Variants in PHACTR2 observed in about 807,000 individuals in gnomAD.
PHACTR2 encodes the protein chromosome 6 open reading frame 56.
A neutral mutation model predicts 76.0 loss-of-function variants in PHACTR2; 30 were observed. The observed-to-expected ratio is 0.39, with a 90% CI of 0.30 to 0.54. PHACTR2 has a LOEUF of 0.54. PHACTR2 is among the 20% of genes least tolerant of loss of function. The pLI is 0.61. For missense variants in PHACTR2, 696 were observed against 781.1 expected (o/e 0.89, Z 1.30); for synonymous variants, 292 against 292.5 (o/e 1.00, Z 0.02).
upstream of PHACTR2, among the ~76,000 whole-genome samples, chr6:143,607,163 T>A (rs1775887455): frequency 7.0e-6 from 1 of 143,016 alleles, no homozygotes; most frequent in African/African-American, 2.8e-5. Flanking sequence ...TATAACACTA[T>A]GAACTGTTTT....
In PHACTR2 at chr6:143,771,221, T is replaced by TAC. The variant is rs1562300965; in HGVS notation, c.1233-1036_1233-1035insCA. Reference sequence around the variant, plus strand: ...ATATATATATATATATATATATATATATATATATATATATGCTTTTTTTTA... The same window carrying TAC: ...ATATATATATATATATATATATATATACATATATATATATATGCTTTTTTTTA... On this transcript the variant is annotated intron_variant, in intron 6 of 12. Coordinates refer to ENST00000440869, the MANE Select transcript of PHACTR2 (RefSeq NM_001100164.2). Among the ~76,000 whole-genome samples, 50 of 109,100 alleles carry TAC rather than the reference T, an allele frequency of 4.6e-4. 1 individual carries two copies. Among genetic ancestry groups the TAC allele is most frequent in the African/African-American group, 1.8e-3 (47 of 26,752 alleles). 71.6% of individuals were successfully genotyped at this position (109,100 alleles called of 152,430 possible).
At chr6:143,704,871 C>T (rs939920097) in intron 1 of PHACTR2, among the ~76,000 whole-genome samples, 2 of 152,198 alleles carry the variant, frequency 1.3e-5, no homozygotes, top group African/African-American at 4.8e-5. Flanking sequence ...CTCAGTTGCC[C>T]AGGCTGGAGT....
rs1392992616 is a variant in PHACTR2 at position 143,648,637 on chromosome 6, T to C, written c.13+40315T>C. Reference sequence around the variant, plus strand: ...GAAGAGCCCGGGAGGTTTAAAGTGCTCTGAAGCACTGATACTGTAAATGTG... The same window carrying C: ...GAAGAGCCCGGGAGGTTTAAAGTGCCCTGAAGCACTGATACTGTAAATGTG... On this transcript the variant is annotated intron_variant, in intron 1 of 11. Transcript: ENST00000305766. The surrounding 1 kb of genome is among the most constrained non-coding windows in gnomAD (Gnocchi z 6.7). Among the ~76,000 whole-genome samples the C allele has an allele frequency of 2.0e-5, 3 of 152,158 alleles. No homozygotes were observed. The highest frequency in any genetic ancestry group is 3.9e-4 in the East Asian group (2 of 5,188).
rs534196770 is a variant in PHACTR2, at chr6:143,633,979, A to G, written c.13+25657A>G. On this transcript the variant is annotated intron_variant, in intron 1 of 11. Transcript: ENST00000305766. The surrounding 1 kb of genome is among the most constrained non-coding windows in gnomAD (Gnocchi z 4.1). The stretch of plus-strand genomic sequence containing the variant: ...GCAGTATCATAAAATGACTATGATA[A>G]TTATATTTTATCCTACTTTTACAAA... Among the ~76,000 whole-genome samples, 33 of 152,306 alleles carry G rather than the reference A, an allele frequency of 2.2e-4. No individual in the cohort carries two copies. In the South Asian group the frequency reaches 4.6e-3, roughly 21 times the overall value.
chr6:143,628,275 C>G (rs1776295015), intron 1 of PHACTR2, among the ~76,000 whole-genome samples: 1 of 152,204 alleles, frequency 6.6e-6, no homozygotes, highest in African/African-American at 2.4e-5. Context: ...CATTTGTCTG[C>G]ATTAGTTTCC....
intron 1 of PHACTR2, among the ~76,000 whole-genome samples, chr6:143,650,599 T>A (rs908350191): frequency 6.6e-6 from 1 of 152,162 alleles, no homozygotes; most frequent in Non-Finnish European, 1.5e-5. Context: ...CCCTATTTAA[T>A]AAATGGTGCT....
intron 11 of PHACTR2, among the ~76,000 whole-genome samples, chr6:143,798,387 T>C (rs940257501): frequency 6.6e-6 from 1 of 152,206 alleles, no homozygotes; most frequent in Non-Finnish European, 1.5e-5. Flanking sequence ...GAATACCTTT[T>C]ATTGCTTTCT....
intron 4 of PHACTR2, among the ~76,000 whole-genome samples, chr6:143,756,466 C>T (rs993098841): frequency 1.3e-5 from 2 of 151,932 alleles, no homozygotes; most frequent in African/African-American, 2.4e-5. Context: ...GAGGCCGAGG[C>T]GGGCGGATCA....
At chr6:143,786,172 A>C (rs1483365613) in intron 10 of PHACTR2, among the ~76,000 whole-genome samples, 3 of 152,190 alleles carry the variant, frequency 2.0e-5, no homozygotes, top group Non-Finnish European at 2.9e-5. Flanking sequence ...CACCTTTTGA[A>C]TGCTTTGCTG....
rs535272227 is a variant in PHACTR2, at chr6:143,776,810, G to C, written c.1590-518G>C. ...AGCGATCCAGTATGGTGGGAGCATG[G>C]CTCCTTGAAGTCTGCCTGGCAGCCC... On this transcript the variant is annotated intron_variant, in intron 8 of 12. Transcript: ENST00000440869. The surrounding 1 kb of genome is among the most constrained non-coding windows in gnomAD (Gnocchi z 5.3). Among the ~76,000 whole-genome samples the C allele has an allele frequency of 2.2e-4, 33 of 152,346 alleles. No individual in the cohort carries two copies. Among genetic ancestry groups the C allele is most frequent in the Admixed American group, 9.1e-4 (14 of 15,302 alleles).
At chr6:143,725,195 TG>T (rs1778534413) in intron 2 of PHACTR2, among the ~76,000 whole-genome samples, 2 of 139,642 alleles carry the variant, frequency 1.4e-5, no homozygotes, top group Non-Finnish European at 1.5e-5. Flanking sequence ...TCCTTTGTGC[TG>T]TCTTTTTTTT....
chr6:143,628,565 C>T (rs1187059804), intron 1 of PHACTR2, among the ~76,000 whole-genome samples: 2 of 152,186 alleles, frequency 1.3e-5, no homozygotes, highest in African/African-American at 4.8e-5. Flanking sequence ...CTCCCTCTGA[C>T]TCTGGCCCTT....
At chr6:143,593,914 T>G (rs1406303038) in intron 1 of PHACTR2, among the ~76,000 whole-genome samples, 1 of 152,230 alleles carries the variant, frequency 6.6e-6, no homozygotes, top group Non-Finnish European at 1.5e-5. Flanking sequence ...TAATGCATAC[T>G]TTTTCTCTGC....
chr6:143,768,644 G>A (rs1440541891), intron 6 of PHACTR2, among the ~76,000 whole-genome samples: 2 of 152,074 alleles, frequency 1.3e-5, no homozygotes, highest in Admixed American at 6.5e-5. Context: ...ACATACTAAG[G>A]GCTTAATATC....
Position 143,772,539 on chromosome 6 carries a change from T to A in PHACTR2, c.1432+82T>A. ...AGTTTATAAAGAATAAAAGCCTCAT[T>A]AGGAACCAGACATCTGATGTTTTCT... On this transcript the variant is annotated intron_variant, in intron 7 of 12. Transcript: ENST00000440869. The surrounding 1 kb of genome is among the most constrained non-coding windows in gnomAD (Gnocchi z 5.4). 1 of 950,822 alleles carries A rather than the reference T, an allele frequency of 1.1e-6. No individual in the cohort carries two copies. Among genetic ancestry groups the A allele is most frequent in the South Asian group, 1.4e-5 (1 of 69,160 alleles). The allele number at this position is 950,822 out of a possible 1,614,324, so 58.9% of individuals were successfully genotyped here.
At position 143,537,176 on chromosome 6, in the gene PHACTR2, C is replaced by A; in HGVS notation, c.186C>A (p.Gly62=). Residue 62 remains glycine (G), a synonymous_variant, in exon 1 of 12, where the codon GGC becomes GGA. Transcript: ENST00000367584. This position sits in a 1 kb window ranked among gnomAD's most constrained non-coding sequence, Gnocchi z 4.4. ...ACCTCTCGTCGTCCTCGAGCAGGGG[C>A]CGCCCGCTCCGGGTCCACATCTCCG... 1.3e-5 allele frequency: 4 copies of A among 303,936 alleles called. No individual in the cohort carries two copies. The highest frequency in any genetic ancestry group is 1.2e-4 in the South Asian group (3 of 25,660). The allele number at this position is 303,936 out of a possible 1,614,324, so 18.8% of individuals were successfully genotyped here. A position where few individuals can be genotyped will look rare whatever the true frequency, so the allele number is the denominator to read the frequency against.
At chr6:143,702,937 A>G (rs746562296) in intron 1 of PHACTR2, among the ~76,000 whole-genome samples, 1 of 151,812 alleles carries the variant, frequency 6.6e-6, no homozygotes, top group African/African-American at 2.4e-5. Context: ...AAAAGTTTAT[A>G]GATGAATCTC....
At position 143,662,097 on chromosome 6, in the gene PHACTR2, C is replaced by T. The variant is rs1330298718; in HGVS notation, c.14-49919C>T. ...CAGAGCACCTGCAAGCTTCATTGCT[C>T]CTCCCCCTTTCTCAGCTCCCATCTT... On this transcript the variant is annotated intron_variant, in intron 1 of 11. Transcript: ENST00000305766. This position sits in a 1 kb window ranked among gnomAD's most constrained non-coding sequence, Gnocchi z 4.7. Among the ~76,000 whole-genome samples the T allele has an allele frequency of 6.6e-6, 1 of 152,120 alleles. No homozygotes were observed. Among genetic ancestry groups the T allele is most frequent in the Admixed American group, 6.6e-5 (1 of 15,262 alleles).
chr6:143,665,050 C>T (rs923936112), intron 1 of PHACTR2, among the ~76,000 whole-genome samples: 4 of 152,080 alleles, frequency 2.6e-5, no homozygotes, highest in African/African-American at 7.2e-5. Flanking sequence ...CTGCCAGCCT[C>T]GGCCTCCCAA....
Sources: allele counts gnomAD v4.1 joint callset (sites outside exome capture counted in the v4.1 genomes callset), GRCh38; gene constraint gnomAD v4.1.1; non-coding constraint Gnocchi (gnomAD v3.1); transcripts MANE v1.5; gene names NCBI Gene and HGNC (gene_info 2026-07-23, HGNC 2026-07-21).